The following GREB1L variants were observed in gnomAD, a reference collection of about 807,000 sequenced individuals.
GREB1L encodes GREB1-like protein.
In GREB1L, 17 loss-of-function variants were observed where a neutral mutation model predicts 200.8. That is an observed-to-expected ratio of 0.08 (90% CI 0.06 to 0.13). The LOEUF is 0.13. GREB1L is among the 10% of genes least tolerant of loss of function. The pLI is 1.00. For missense variants in GREB1L, 1,657 were observed against 2,367.7 expected (o/e 0.70, Z 6.23); for synonymous variants, 789 against 893.0 (o/e 0.88, Z 2.08).
Position 21,523,974 on chromosome 18 carries a change from A to G in GREB1L, c.*1153A>G, listed in dbSNP as rs1303941578. 1 of 152,224 alleles carries G rather than the reference A, an allele frequency of 6.6e-6. No individual in the cohort carries two copies. Among genetic ancestry groups the G allele is most frequent in the Admixed American group, 6.5e-5 (1 of 15,276 alleles). The allele number at this position is 152,224 out of a possible 1,614,324, so 9.4% of individuals were successfully genotyped here. On this transcript the variant is annotated 3_prime_UTR_variant, in exon 33 of 33. Transcript: ENST00000424526. ...GTCCAGTATCGGCAATGGGAGGCATATGTTTCTACAGATTTCTCAAATATT... is the reference window on the plus strand; with the variant it reads ...GTCCAGTATCGGCAATGGGAGGCATGTGTTTCTACAGATTTCTCAAATATT...
At chr18:21,293,237 C>A (rs2038477873) in intron 1 of GREB1L, among the ~76,000 whole-genome samples, 1 of 152,114 alleles carries the variant, frequency 6.6e-6, no homozygotes, top group African/African-American at 2.4e-5. Flanking sequence ...TGATTTGCAC[C>A]CTCTCACATG....
In GREB1L at chr18:21,505,440, G is replaced by A. The variant is rs1363965039; in HGVS notation, c.4101G>A (p.Gln1367=). 8 of 1,551,438 alleles carry A rather than the reference G, an allele frequency of 5.2e-6. No individual in the cohort carries two copies. Among genetic ancestry groups the A allele is most frequent in the Non-Finnish European group, 7.0e-6 (8 of 1,147,006 alleles). The change falls in exon 24 of 33, where the codon CAG becomes CAA. Residue 1367 remains glutamine, a synonymous_variant. Transcript: ENST00000424526. ...ACAATGAAAGCAGTGAAGTGAGCCA[G>A]TCAGAGGGAGAGCCCTGGCCTGACA... The part of the protein sequence containing the change: ...TDHNESSEVS[Q]SEGEPWPDIE...
chr18:21,410,443 C>T (rs2030829660), intron 7 of GREB1L, among the ~76,000 whole-genome samples: 1 of 151,854 alleles, frequency 6.6e-6, no homozygotes, highest in African/African-American at 2.4e-5. Context: ...GTCGCTTGAG[C>T]CCCAAAGTTC....
chr18:21,303,510 A>G (rs2038651821), intron 1 of GREB1L, among the ~76,000 whole-genome samples: 1 of 152,226 alleles, frequency 6.6e-6, no homozygotes, highest in Admixed American at 6.5e-5. Context: ...TTGTCACTAA[A>G]GAATTGGTTA....
intron 21 of GREB1L, among the ~76,000 whole-genome samples, chr18:21,497,573 G>A (rs141172991): frequency 0.011 from 1,707 of 151,928 alleles, 23 homozygotes; most frequent in Middle Eastern, 0.027. Flanking sequence ...GAACCCAGGA[G>A]GTGGAGGTTG....
chr18:21,405,778 A>G (rs10084061), intron 7 of GREB1L, among the ~76,000 whole-genome samples: 49,652 of 151,940 alleles, frequency 0.33, 11,211 homozygotes, highest in African/African-American at 0.61. Flanking sequence ...TCCAGCCTGG[A>G]TGATGGAGTG....
At chr18:21,378,883 G>A (rs1449611853) in intron 2 of GREB1L, among the ~76,000 whole-genome samples, 3 of 145,228 alleles carry the variant, frequency 2.1e-5, no homozygotes, top group African/African-American at 7.6e-5. Context: ...TTTTTTTTTC[G>A]GGGGGGGACA....
intron 1 of GREB1L, among the ~76,000 whole-genome samples, chr18:21,349,601 A>C (rs2039403853): frequency 6.6e-6 from 1 of 152,100 alleles, no homozygotes; most frequent in Non-Finnish European, 1.5e-5. Flanking sequence ...ACCTCCTGTC[A>C]GATCAGTGGC....
intron 16 of GREB1L, among the ~76,000 whole-genome samples, chr18:21,475,970 C>CAAAAAAAA (rs71178177): frequency 1.7e-5 from 1 of 58,380 alleles, no homozygotes; most frequent in Non-Finnish European, 2.9e-5. Context: ...GACTCCGTCT[C>CAAAAAAAA]AAAAAAAAAA....
intron 1 of GREB1L, among the ~76,000 whole-genome samples, chr18:21,242,740 G>C (rs2037521591): frequency 6.6e-6 from 1 of 152,134 alleles, no homozygotes; most frequent in South Asian, 2.1e-4. Flanking sequence ...GGAGCGAGAC[G>C]GCCCGGGGGT....
chr18:21,481,623 A>G (rs2035927074), intron 17 of GREB1L, among the ~76,000 whole-genome samples: 1 of 151,766 alleles, frequency 6.6e-6, no homozygotes, highest in Non-Finnish European at 1.5e-5. Context: ...TATTACCACC[A>G]CCCGAGAAGT....
rs1176776389 is a variant in GREB1L at position 21,444,079 on chromosome 18, TTGA to T, written c.1208-143_1208-141del. On this transcript the variant is annotated intron_variant, in intron 10 of 32. Transcript: ENST00000424526. ...GAGCATCCAAGTGAATTCCCTGGGATTGATATGTTTGAGTGATTTGTTTGGTAG... is the reference window on the plus strand; with the variant it reads ...GAGCATCCAAGTGAATTCCCTGGGATTATGTTTGAGTGATTTGTTTGGTAG... 11 of 558,680 alleles carry T rather than the reference TTGA, an allele frequency of 2.0e-5. No individual in the cohort carries two copies. In the Admixed American group the frequency reaches 3.1e-4, roughly 16 times the overall value. 34.6% of individuals were successfully genotyped at this position (558,680 alleles called of 1,614,324 possible). A position where few individuals can be genotyped will look rare whatever the true frequency, so the allele number is the denominator to read the frequency against.
At chr18:21,408,138 A>G (rs1283099392) in intron 7 of GREB1L, among the ~76,000 whole-genome samples, 1 of 144,250 alleles carries the variant, frequency 6.9e-6, no homozygotes, top group African/African-American at 2.5e-5. Context: ...ACACACACAA[A>G]AAAAGATAGA....
intron 1 of GREB1L, among the ~76,000 whole-genome samples, chr18:21,324,385 A>C (rs1171634108): frequency 6.6e-6 from 1 of 152,230 alleles, no homozygotes; most frequent in African/African-American, 2.4e-5. Flanking sequence ...TGGGGAAAAG[A>C]TAAATCTTGA....
Position 21,500,315 on chromosome 18 carries a change from A to T in GREB1L, c.3969+9A>T, listed in dbSNP as rs1188363980. 1.8e-6 allele frequency: 2 copies of T among 1,141,528 alleles called. No individual in the cohort carries two copies. Among genetic ancestry groups the T allele is most frequent in the East Asian group, 5.1e-5 (2 of 39,004 alleles). The allele number at this position is 1,141,528 out of a possible 1,614,324, so 70.7% of individuals were successfully genotyped here. A position where few individuals can be genotyped will look rare whatever the true frequency, so the allele number is the denominator to read the frequency against. On this transcript the variant is annotated intron_variant, in intron 22 of 32. Transcript: ENST00000424526. ...TGACAGGGCCCCCACAGGTAGGGCC[A>T]AGCCAGCCGGGGCCGTTTCTTAGGC...
chr18:21,505,019 C>T lies in GREB1L; in HGVS notation c.4073-393C>T, dbSNP rs28604920. Among the ~76,000 whole-genome samples, 696 of 152,178 alleles carry T rather than the reference C, an allele frequency of 4.6e-3. 6 individuals are homozygous for T. Among genetic ancestry groups the T allele is most frequent in the African/African-American group, 0.016 (664 of 41,528 alleles). Reference sequence around the variant, plus strand: ...CCAGCTCCCAGCTGATTGTAACGTGCGGAAGACATTGGGAATCTTGCTCAG... The same window carrying T: ...CCAGCTCCCAGCTGATTGTAACGTGTGGAAGACATTGGGAATCTTGCTCAG... On this transcript the variant is annotated intron_variant, in intron 23 of 32. Coordinates refer to ENST00000424526, the MANE Select transcript of GREB1L (RefSeq NM_001142966.3).
chr18:21,472,471 A>G (rs959862526), intron 15 of GREB1L, among the ~76,000 whole-genome samples: 2 of 152,220 alleles, frequency 1.3e-5, no homozygotes, highest in Non-Finnish European at 2.9e-5. Flanking sequence ...CCTAAATCCA[A>G]CATTCACTGA....
chr18:21,244,971 A>G (rs1218133775), intron 1 of GREB1L, among the ~76,000 whole-genome samples: 1 of 152,202 alleles, frequency 6.6e-6, no homozygotes, highest in East Asian at 1.9e-4. Flanking sequence ...AAGTGTTTAG[A>G]TTATGAACAT....
rs143265313 is a variant in GREB1L, at chr18:21,404,935, C to T, written c.832+941C>T. Among the ~76,000 whole-genome samples, 413 of 152,282 alleles carry T rather than the reference C, an allele frequency of 2.7e-3. 1 individual carries two copies. The highest frequency in any genetic ancestry group is 5.4e-3 in the Admixed American group (82 of 15,302). On this transcript the variant is annotated intron_variant, in intron 7 of 32. Coordinates refer to ENST00000424526, the MANE Select transcript of GREB1L (RefSeq NM_001142966.3). ...TGGTCTTCATTTGCTACACAGCATA[C>T]CTCTTTCAAATTAATGTGAAATTCT...
Sources: gnomAD v4.1 joint callset for allele counts (sites outside exome capture counted in the v4.1 genomes callset) on GRCh38, gnomAD v4.1.1 for gene constraint, MANE v1.5 for transcripts, NCBI Gene and HGNC (gene_info 2026-07-23, HGNC 2026-07-21) for gene names.